The following PAK4 variants were observed in gnomAD, a reference collection of about 807,000 sequenced individuals.
PAK4 encodes the protein p21 (RAC1) activated kinase 4.
PAK4 carries 49 observed loss-of-function variants against 53.5 expected under a neutral mutation model. The observed-to-expected ratio is 0.92, with a 90% CI of 0.73 to 1.16. PAK4 has a LOEUF of 1.16. PAK4 is among the 50% of genes most tolerant of loss of function. The pLI is 0.00. For missense variants in PAK4, 824 were observed against 850.7 expected (o/e 0.97, Z 0.39); for synonymous variants, 376 against 375.6 (o/e 1.00, Z -0.01).
intron 1 of PAK4, among the ~76,000 whole-genome samples, chr19:39,163,721 G>C (rs1196203048): frequency 1.3e-5 from 2 of 152,236 alleles, no homozygotes; most frequent in Non-Finnish European, 2.9e-5. Flanking sequence ...AGAGGCATCT[G>C]TGCCCCGGCT....
At chr19:39,177,337 G>A (rs1005853162) in intron 7 of PAK4, among the ~76,000 whole-genome samples, 1 of 152,288 alleles carries the variant, frequency 6.6e-6, no homozygotes, top group East Asian at 1.9e-4. Context: ...TGGGTCCTGT[G>A]CCTGTTTCTG....
In PAK4 at chr19:39,177,641, C is replaced by A. The variant is rs1395997844; in HGVS notation, c.1486-34C>A. On this transcript the variant is annotated intron_variant, in intron 7 of 8. Coordinates refer to ENST00000358301, the Ensembl canonical transcript of PAK4. ...CTCCCCAGGACCCACCATCCCCCAACAGCTCAGCCCTGCTGTCCCTTCTCC... is the reference window on the plus strand; with the variant it reads ...CTCCCCAGGACCCACCATCCCCCAAAAGCTCAGCCCTGCTGTCCCTTCTCC... 1.9e-6 allele frequency: 3 copies of A among 1,594,286 alleles called. No individual in the cohort carries two copies. In the Admixed American group the frequency reaches 5.1e-5, roughly 27 times the overall value.
intron 1 of PAK4, among the ~76,000 whole-genome samples, chr19:39,132,512 C>A (rs2073731809): frequency 6.6e-6 from 1 of 152,284 alleles, no homozygotes; most frequent in Admixed American, 6.5e-5. Context: ...TGTCAGGACA[C>A]AGAGTGCCGC....
chr19:39,132,128 A>T (rs2073724289), intron 1 of PAK4, among the ~76,000 whole-genome samples: 1 of 152,162 alleles, frequency 6.6e-6, no homozygotes, highest in African/African-American at 2.4e-5. Context: ...CTGTGAGTCT[A>T]TGAGCATGGT....
At chr19:39,162,323 A>G (rs1257737328) in intron 1 of PAK4, among the ~76,000 whole-genome samples, 2 of 143,950 alleles carry the variant, frequency 1.4e-5, no homozygotes, top group African/African-American at 5.3e-5. Context: ...CAGTGGCACG[A>G]TCACTCACTG....
rs1168149811 is a variant in PAK4, at chr19:39,178,667, C to T, written c.*88C>T. On this transcript the variant is annotated 3_prime_UTR_variant, in exon 9 of 9. Coordinates refer to ENST00000358301, the Ensembl canonical transcript of PAK4. This position sits in a 1 kb window ranked among gnomAD's most constrained non-coding sequence, Gnocchi z 4.4. ...GTAGGGGGCCAGGCCTCCCACTCCTCCCAGCCCGGGAGATGCTCCGCGTGG... is the reference window on the plus strand; with the variant it reads ...GTAGGGGGCCAGGCCTCCCACTCCTTCCAGCCCGGGAGATGCTCCGCGTGG... 8.0e-7 allele frequency: 1 copy of T among 1,246,302 alleles called. No individual in the cohort carries two copies. The highest frequency in any genetic ancestry group is 1.1e-6 in the Non-Finnish European group (1 of 900,778). The allele number at this position is 1,246,302 out of a possible 1,614,324, so 77.2% of individuals were successfully genotyped here. A position where few individuals can be genotyped will look rare whatever the true frequency, so the allele number is the denominator to read the frequency against.
At chr19:39,162,979 G>C (rs2074309060) in intron 1 of PAK4, among the ~76,000 whole-genome samples, 1 of 152,134 alleles carries the variant, frequency 6.6e-6, no homozygotes, top group African/African-American at 2.4e-5. Flanking sequence ...AGGGTTGGGG[G>C]CCGTGCAGGA....
intron 2 of PAK4, 83 bp downstream of exon 3, chr19:39,169,840 G>T: frequency 1.1e-6 from 1 of 927,768 alleles, no homozygotes; most frequent in South Asian, 1.6e-5. Context: ...TCGACCCTGT[G>T]ACCGACACCT....
chr19:39,174,316 A>G (rs868072533), intron 4 of PAK4, among the ~76,000 whole-genome samples: 1 of 151,344 alleles, frequency 6.6e-6, no homozygotes, highest in African/African-American at 2.4e-5. Flanking sequence ...TCCAGGGTAC[A>G]GTGTCCTCCA....
chr19:39,140,436 G>A (rs544098247), intron 1 of PAK4, among the ~76,000 whole-genome samples: 2 of 152,262 alleles, frequency 1.3e-5, no homozygotes, highest in African/African-American at 4.8e-5. Flanking sequence ...TTGCAGGGAG[G>A]ACTGTCCCCA....
In PAK4 at chr19:39,165,195, G is replaced by GATGATGATAATAATAATA. The variant is rs1364745681; in HGVS notation, c.-22-4335_-22-4334insGATGATAATAATAATAAT. On this transcript the variant is annotated intron_variant, in intron 1 of 8. Coordinates refer to ENST00000358301, the Ensembl canonical transcript of PAK4. ...GCCTTGAGAGGATGATGATGATGAT[G>GATGATGATAATAATAATA]ATAATAATAATAATAATAATAATAA... Among the ~76,000 whole-genome samples the GATGATGATAATAATAATA allele has an allele frequency of 8.0e-3, 1,022 of 128,398 alleles. 9 individuals carry two copies. Among genetic ancestry groups the GATGATGATAATAATAATA allele is most frequent in the African/African-American group, 0.029 (967 of 33,792 alleles). The allele number at this position is 128,398 out of a possible 152,430, so 84.2% of individuals were successfully genotyped here. A position where few individuals can be genotyped will look rare whatever the true frequency, so the allele number is the denominator to read the frequency against.
intron 1 of PAK4, among the ~76,000 whole-genome samples, chr19:39,137,633 A>G (rs1006015531): frequency 2.1e-5 from 3 of 143,264 alleles, no homozygotes; most frequent in Non-Finnish European, 4.6e-5. Context: ...GTTCTTCCAG[A>G]CTCCTGTGAA....
At chr19:39,137,669 C>CT (rs754678702) in intron 1 of PAK4, among the ~76,000 whole-genome samples, 542 of 140,266 alleles carry the variant, frequency 3.9e-3, no homozygotes, top group South Asian at 5.5e-3. Context: ...GGTCACTTTC[C>CT]TTTTTTTTTT....
At chr19:39,172,834 CT>C (rs1265232639) in intron 2 of PAK4, 83 bp from the exon 4 acceptor site, 1 of 1,140,580 alleles carries the variant, frequency 8.8e-7, no homozygotes, top group Admixed American at 2.4e-5. Flanking sequence ...GTGTGTCGTG[CT>C]GTCCTGTCCC....
At chr19:39,130,543 C>T (rs1002989927) in intron 1 of PAK4, among the ~76,000 whole-genome samples, 20 of 151,966 alleles carry the variant, frequency 1.3e-4, no homozygotes, top group African/African-American at 4.8e-5. Flanking sequence ...CCCTGAGGGT[C>T]GGAATGACCT....
At chr19:39,164,838 C>T (rs1306808312) in intron 1 of PAK4, among the ~76,000 whole-genome samples, 1 of 152,102 alleles carries the variant, frequency 6.6e-6, no homozygotes, top group East Asian at 1.9e-4. Context: ...GCGAGCTCAG[C>T]GTCAGCGTCT....
At chr19:39,136,722 A>G (rs1468816135) in intron 1 of PAK4, among the ~76,000 whole-genome samples, 1 of 152,136 alleles carries the variant, frequency 6.6e-6, no homozygotes, top group African/African-American at 2.4e-5. Context: ...GTTCTCAGGG[A>G]TTGGAGTGTG....
intron 1 of PAK4, among the ~76,000 whole-genome samples, chr19:39,126,618 C>T (rs1251459645): frequency 6.6e-6 from 1 of 152,116 alleles, no homozygotes; most frequent in East Asian, 1.9e-4. Flanking sequence ...GGGGTCTTAA[C>T]CTGGTATTAA....
At chr19:39,129,536 C>T (rs929273468) in intron 1 of PAK4, among the ~76,000 whole-genome samples, 2 of 152,172 alleles carry the variant, frequency 1.3e-5, no homozygotes, top group South Asian at 4.1e-4. Context: ...GGCTCCGGGG[C>T]TCCCTTTATT....
Sources: allele counts gnomAD v4.1 joint callset (sites outside exome capture counted in the v4.1 genomes callset), GRCh38; gene constraint gnomAD v4.1.1; non-coding constraint Gnocchi (gnomAD v3.1); transcripts MANE v1.5; gene names NCBI Gene and HGNC (gene_info 2026-07-23, HGNC 2026-07-21).